The following RHPN1 variants were observed in gnomAD, a reference collection of about 807,000 sequenced individuals.
RHPN1 encodes the protein rhophilin-1.
A neutral mutation model predicts 74.7 loss-of-function variants in RHPN1; 77 were observed. That is an observed-to-expected ratio of 1.03 (90% CI 0.86 to 1.25). The LOEUF is 1.25. RHPN1 is among the 50% of genes most tolerant of loss of function. RHPN1 has a pLI of 0.00. For missense variants in RHPN1, 987 were observed against 932.2 expected (o/e 1.06, Z -0.77); for synonymous variants, 444 against 414.5 (o/e 1.07, Z -0.87).
chr8:143,375,710 CTGGGT>C, intron 2 of RHPN1, 42 bp downstream of exon 2: 1 of 1,482,114 alleles, frequency 6.7e-7, no homozygotes, highest in Non-Finnish European at 9.2e-7. Flanking sequence ...CAGGGCCCAC[CTGGGT>C]GAGGGGGGCA....
chr8:143,381,197 T>C (rs1586833208), intron 11 of RHPN1, 71 bp from the exon 12 acceptor site: 2 of 1,339,028 alleles, frequency 1.5e-6, no homozygotes, highest in Non-Finnish European at 2.1e-6. Context: ...GGTCATGCCC[T>C]GCGCCCTGGA....
intron 1 of RHPN1, among the ~76,000 whole-genome samples, chr8:143,371,911 A>G (rs1266200757): frequency 6.6e-6 from 1 of 152,216 alleles, no homozygotes; most frequent in East Asian, 1.9e-4. Context: ...CCTTCAACCC[A>G]GTGTGGAAAG....
chr8:143,369,910 G>A (rs1817714203), intron 1 of RHPN1, among the ~76,000 whole-genome samples: 1 of 152,220 alleles, frequency 6.6e-6, no homozygotes, highest in Admixed American at 6.5e-5. Context: ...GGAGGAGGCG[G>A]TGCTATCAGC....
At chr8:143,366,624 C>T (rs1464658028), upstream of RHPN1, 1 of 152,046 alleles carries the variant, frequency 6.6e-6, no homozygotes, top group Non-Finnish European at 1.5e-5. Flanking sequence ...GACTCCATCT[C>T]AATAAATAAA....
Position 143,384,210 on chromosome 8 carries a change from T to G in RHPN1, c.*1559T>G. 1 of 108,096 alleles carries G rather than the reference T, an allele frequency of 9.3e-6. No homozygotes were observed. The allele number at this position is 108,096 out of a possible 1,614,324, so 6.7% of individuals were successfully genotyped here. A position where few individuals can be genotyped will look rare whatever the true frequency, so the allele number is the denominator to read the frequency against. On this transcript the variant is annotated 3_prime_UTR_variant, in exon 15 of 15. Transcript: ENST00000289013. ...CGTGTTAATTTGGTTAATAAAACTG[T>G]GGATCAAGGAGGCCAGTAGGCACTA...
Position 143,375,473 on chromosome 8 carries a change from C to G in RHPN1, c.61-80C>G, listed in dbSNP as rs149870825. The G allele has an allele frequency of 5.2e-4, 498 of 948,776 alleles. 3 individuals are homozygous for G. The Middle Eastern group carries it at 0.012, about 23-fold the overall frequency. 58.8% of individuals were successfully genotyped at this position (948,776 alleles called of 1,614,324 possible). ...TCCCGTTACCCATGGGCAGGATGCA[C>G]TCCTCTCAGTGGCTGGCGAGGCGCA... On this transcript the variant is annotated intron_variant, in intron 1 of 14. Coordinates refer to ENST00000289013, the MANE Select transcript of RHPN1 (RefSeq NM_052924.3).
At chr8:143,378,557 C>A in intron 5 of RHPN1, 139 bp from the exon 6 acceptor site, 1 of 1,236,590 alleles carries the variant, frequency 8.1e-7, no homozygotes, top group Non-Finnish European at 1.1e-6. Context: ...TGCTGGCCTT[C>A]GGGAGTCACG....
Position 143,382,669 on chromosome 8 carries a change from C to T in RHPN1, c.*18C>T, listed in dbSNP as rs540138738. 6.3e-6 allele frequency: 10 copies of T among 1,590,656 alleles called. No homozygotes were observed. The East Asian group carries it at 1.1e-4, about 18-fold the overall frequency. On this transcript the variant is annotated 3_prime_UTR_variant, in exon 15 of 15. Transcript: ENST00000289013. The stretch of plus-strand genomic sequence containing the variant: ...GGCCGTGAGGGCCAGGATCCCTGCA[C>T]GCCTCAGCCCTGGCTCCAGCTGGCA...
intron 8 of RHPN1, 48 bp downstream of exon 8, chr8:143,379,556 G>T: frequency 6.7e-7 from 1 of 1,501,644 alleles, no homozygotes; most frequent in Non-Finnish European, 8.9e-7. Flanking sequence ...GGCCGAGCTG[G>T]GGTCAGAGCC....
chr8:143,378,535 G>A (rs1029173889), intron 5 of RHPN1, among the ~76,000 whole-genome samples, 161 bp from the exon 6 acceptor site: 23 of 152,046 alleles, frequency 1.5e-4, no homozygotes, highest in Non-Finnish European at 1.5e-4. Flanking sequence ...AGGTGGCTCC[G>A]GTGCCGCATG....
rs1481508423 is a variant in RHPN1, at chr8:143,379,428, T to C, written c.865T>C (p.Phe289Leu). The C allele has an allele frequency of 5.7e-6, 9 of 1,580,376 alleles. No individual in the cohort carries two copies. Among genetic ancestry groups the C allele is most frequent in the Non-Finnish European group, 6.9e-6 (8 of 1,163,660 alleles). ...LMMAQAQECV[F>L]EGLSPPASMA... ...GATGGCCCAGGCCCAGGAATGTGTG[T>C]TTGAGGGCCTCTCACCACCTGCCTC... The change falls in exon 8 of 15, where the codon TTT (phenylalanine) becomes CTT (leucine). Residue 289 changes from phenylalanine to leucine, a missense_variant. By Grantham distance (22) the Phe-to-Leu change is conservative. Transcript: ENST00000289013.
Position 143,377,386 on chromosome 8 carries a change from T to TGTCACTGTCCCCATGATCCCCCTGGGCC in RHPN1, c.313_340dup (p.Leu114ArgfsTer58), listed in dbSNP as rs1194935634. Reference sequence around the variant, plus strand: ...TCGATGCTTCTGGTTACAGCGAAGCTGTCACTGTCCCCATGATCCCCCTGG... The same window carrying TGTCACTGTCCCCATGATCCCCCTGGGCC: ...TCGATGCTTCTGGTTACAGCGAAGCTGTCACTGTCCCCATGATCCCCCTGGGCCGTCACTGTCCCCATGATCCCCCTGG... On this transcript the variant is annotated frameshift_variant, in exon 4 of 15. Transcript: ENST00000289013. LOFTEE classifies it high-confidence loss of function. The TGTCACTGTCCCCATGATCCCCCTGGGCC allele has an allele frequency of 6.2e-7, 1 of 1,613,052 alleles. No homozygotes were observed. Among genetic ancestry groups the TGTCACTGTCCCCATGATCCCCCTGGGCC allele is most frequent in the Non-Finnish European group, 8.5e-7 (1 of 1,179,278 alleles).
intron 2 of RHPN1, among the ~76,000 whole-genome samples, chr8:143,376,033 C>T (rs905256855): frequency 1.3e-5 from 2 of 152,214 alleles, no homozygotes; most frequent in African/African-American, 2.4e-5. Context: ...ACCTGGGCTG[C>T]CTCTTCCTTA....
At chr8:143,369,834 C>T (rs567613996) in intron 1 of RHPN1, among the ~76,000 whole-genome samples, 23 of 152,360 alleles carry the variant, frequency 1.5e-4, no homozygotes, top group African/African-American at 4.8e-4. Flanking sequence ...CCCTCTGGGA[C>T]GTCAGACTGT....
Position 143,382,797 on chromosome 8 carries a change from T to A in RHPN1, c.*146T>A. On this transcript the variant is annotated 3_prime_UTR_variant, in exon 15 of 15. Transcript: ENST00000289013. ...GGGCACCTGCCTGCCCATTAAAGAC[T>A]GGTCAGACCTGTCTGAGCCCAGTGA... 1 of 655,290 alleles carries A rather than the reference T, an allele frequency of 1.5e-6. No individual in the cohort carries two copies. Among genetic ancestry groups the A allele is most frequent in the Non-Finnish European group, 2.6e-6 (1 of 383,982 alleles). 40.6% of individuals were successfully genotyped at this position (655,290 alleles called of 1,614,324 possible). A position where few individuals can be genotyped will look rare whatever the true frequency, so the allele number is the denominator to read the frequency against.
chr8:143,379,137 C>CT, intron 7 of RHPN1, 59 bp downstream of exon 7: 1 of 1,439,946 alleles, frequency 6.9e-7, no homozygotes, highest in Non-Finnish European at 9.1e-7. Flanking sequence ...TGCAGAGCCC[C>CT]TTTTGCAGGG....
chr8:143,374,301 A>G (rs1818068156), intron 1 of RHPN1: 5 of 985,446 alleles, frequency 5.1e-6, no homozygotes, highest in Non-Finnish European at 4.8e-6. Flanking sequence ...GTGGTAGGTC[A>G]GTTTCATGGT....
intron 1 of RHPN1, among the ~76,000 whole-genome samples, chr8:143,370,888 A>T (rs1042447169): frequency 6.6e-6 from 1 of 152,188 alleles, no homozygotes; most frequent in Non-Finnish European, 1.5e-5. Flanking sequence ...CAGTGGGAGA[A>T]GGGGGAGCAG....
upstream of RHPN1, among the ~76,000 whole-genome samples, chr8:143,365,195 A>G (rs917247288): frequency 2.6e-5 from 4 of 152,136 alleles, no homozygotes; most frequent in Non-Finnish European, 4.4e-5. Flanking sequence ...AGCAACCTCC[A>G]CTAATTAAGG....
Sources: allele counts gnomAD v4.1 joint callset (sites outside exome capture counted in the v4.1 genomes callset), GRCh38; gene constraint gnomAD v4.1.1; transcripts MANE v1.5; gene names NCBI Gene and HGNC (gene_info 2026-07-23, HGNC 2026-07-21).